KLC2: variants seen among roughly 807,000 people sequenced by gnomAD.
The protein encoded by KLC2 is KLC 2.
Under a neutral mutation model 75.1 loss-of-function variants are expected in KLC2, and 35 were observed. The ratio of observed to expected loss-of-function variants is 0.47; its 90% CI spans 0.36 to 0.62. The LOEUF is 0.62. KLC2 is among the 20% of genes least tolerant of loss of function. KLC2 has a pLI of 0.00. For missense variants in KLC2, 611 were observed against 833.2 expected, an observed-to-expected ratio of 0.73 and a Z score of 3.28; for synonymous variants, 314 against 336.7, an observed-to-expected ratio of 0.93 and a Z score of 0.74.
chr11:66,262,748 C>T lies in KLC2; in HGVS notation c.530-66C>T, dbSNP rs562733693. The T allele has an allele frequency of 5.8e-5, 70 of 1,207,392 alleles. No individual in the cohort carries two copies. The South Asian group carries it at 8.9e-4, about 15-fold the overall frequency. 74.8% of individuals were successfully genotyped at this position (1,207,392 alleles called of 1,614,324 possible). ...TGTGTCAAGTGGCTCAAAGGCACAG[C>T]TGGCATGTGCCATCCCAGTCCAGTG... On this transcript the variant is annotated intron_variant, in intron 4 of 15. Transcript: ENST00000394067.
At chr11:66,252,513 T>A (rs1415462802), upstream of KLC2, among the ~76,000 whole-genome samples, 3 of 128,058 alleles carry the variant, frequency 2.3e-5, no homozygotes, top group African/African-American at 8.0e-5. Context: ...TCCCCCCGCC[T>A]CGGCCTCCCA....
At position 66,266,642 on chromosome 11, in the gene KLC2, G is replaced by C. The variant is rs566480158; in HGVS notation, c.1785+152G>C. ...GGCTGGACAACGGGGAGACACGAGGGGAACCCAGCCTCTCCTGGGGGTGGA... is the reference window on the plus strand; with the variant it reads ...GGCTGGACAACGGGGAGACACGAGGCGAACCCAGCCTCTCCTGGGGGTGGA... On this transcript the variant is annotated intron_variant, in intron 15 of 15. Coordinates refer to ENST00000394067, the MANE Select transcript of KLC2 (RefSeq NM_001318734.2). 80 of 919,912 alleles carry C rather than the reference G, an allele frequency of 8.7e-5. No individual in the cohort carries two copies. The African/African-American group carries it at 1.2e-3, about 14-fold the overall frequency. 57.0% of individuals were successfully genotyped at this position (919,912 alleles called of 1,614,324 possible).
Position 66,267,625 on chromosome 11 carries a change from C to T in KLC2, c.*669C>T, listed in dbSNP as rs562497714. 5 of 597,708 alleles carry T rather than the reference C, an allele frequency of 8.4e-6. No individual in the cohort carries two copies. The highest frequency in any genetic ancestry group is 7.4e-5 in the African/African-American group (4 of 53,814). The allele number at this position is 597,708 out of a possible 1,614,324, so 37.0% of individuals were successfully genotyped here. On this transcript the variant is annotated 3_prime_UTR_variant, in exon 16 of 16. Coordinates refer to ENST00000394067, the MANE Select transcript of KLC2 (RefSeq NM_001318734.2). ...CCGTCCTCCCACCGCCGGGCCCTGC[C>T]CCGCATCCCGGCCTTATGCACTGCC...
chr11:66,256,597 G>A (rs2134782464), upstream of KLC2, among the ~76,000 whole-genome samples: 1 of 152,178 alleles, frequency 6.6e-6, no homozygotes, highest in Non-Finnish European at 1.5e-5. Flanking sequence ...AGAAAAAAAG[G>A]AGTTTAAGGT....
chr11:66,259,327 G>A (rs1415676487), intron 2 of KLC2, among the ~76,000 whole-genome samples: 1 of 152,232 alleles, frequency 6.6e-6, no homozygotes, highest in African/African-American at 2.4e-5. Flanking sequence ...TCGCAGCAGC[G>A]AGTCTTGTCT....
the KLC2 span, among the ~76,000 whole-genome samples, chr11:66,248,653 C>T: frequency 3.3e-5 from 5 of 152,056 alleles, no homozygotes; most frequent in African/African-American, 1.2e-4. Context: ...TATGCATGTC[C>T]TTAGTTTTTC....
upstream of KLC2, among the ~76,000 whole-genome samples, chr11:66,254,337 A>G (rs1855986066): frequency 6.6e-6 from 1 of 151,558 alleles, no homozygotes; most frequent in Non-Finnish European, 1.5e-5. Flanking sequence ...CTTTCAATCC[A>G]GGGCGCACAG....
Position 66,262,873 on chromosome 11 carries a change from C to T in KLC2, c.589C>T (p.Arg197Trp), listed in dbSNP as rs1391860839. 14 of 1,613,800 alleles carry T rather than the reference C, an allele frequency of 8.7e-6. No homozygotes were observed. The highest frequency in any genetic ancestry group is 1.1e-5 in the Non-Finnish European group (13 of 1,179,916). ...GQHGGYEIPA[R>W]LRTLHNLVIQ... ...GCATGGGGGCTACGAGATCCCGGCCCGGCTCCGCACCCTGCACAACCTGGT... is the reference window on the plus strand; with the variant it reads ...GCATGGGGGCTACGAGATCCCGGCCTGGCTCCGCACCCTGCACAACCTGGT... Residue 197 changes from arginine to tryptophan, a missense_variant, in exon 5 of 16, where the codon CGG becomes TGG. Transcript: ENST00000394067.
chr11:66,266,584 A>G, intron 15 of KLC2, 94 bp downstream of exon 15: 1 of 1,301,582 alleles, frequency 7.7e-7, no homozygotes, highest in African/African-American at 1.5e-5. Context: ...TTCATCCAGC[A>G]ACAGTTCCTG....
chr11:66,265,231 G>T lies in KLC2; in HGVS notation c.1330G>T (p.Asp444Tyr). 1.7e-6 allele frequency: 2 copies of T among 1,182,440 alleles called. No homozygotes were observed. Among genetic ancestry groups the T allele is most frequent in the South Asian group, 1.2e-5 (1 of 82,922 alleles). The allele number at this position is 1,182,440 out of a possible 1,614,324, so 73.2% of individuals were successfully genotyped here. The change falls in exon 11 of 16, where the codon GAC becomes TAC. Residue 444 changes from aspartate (D) to tyrosine (Y), a missense_variant. Asp to Tyr is a radical substitution (Grantham distance 160). Coordinates refer to ENST00000394067, the MANE Select transcript of KLC2 (RefSeq NM_001318734.2). ...CAGCTGGTACAAGGCCTGTAAAGTAGACAGGTGAGTGGGGCGGGGCTGGGC... is the reference window on the plus strand; with the variant it reads ...CAGCTGGTACAAGGCCTGTAAAGTATACAGGTGAGTGGGGCGGGGCTGGGC... ...YGSWYKACKV[D>Y]SPTVNTTLRS...
the KLC2 span, among the ~76,000 whole-genome samples, chr11:66,248,989 A>G: frequency 6.6e-6 from 1 of 152,160 alleles, no homozygotes; most frequent in African/African-American, 2.4e-5. Flanking sequence ...TGCCTCCCAA[A>G]GTGCTAGGAT....
the KLC2 span, among the ~76,000 whole-genome samples, chr11:66,248,250 C>T: frequency 2.6e-5 from 4 of 152,150 alleles, no homozygotes; most frequent in African/African-American, 9.7e-5. Context: ...GCCAGTTTCC[C>T]TTACTGTTAA....
In KLC2 at chr11:66,265,915, G is replaced by A. The variant is rs139714613; in HGVS notation, c.1505G>A (p.Arg502Gln). The A allele has an allele frequency of 3.4e-5, 54 of 1,583,938 alleles. No homozygotes were observed. Among genetic ancestry groups the A allele is most frequent in the Non-Finnish European group, 3.9e-5 (45 of 1,162,492 alleles). ...CTGCTGAAAGATGGCAGTGGCAGGC[G>A]GGGAGACCGCCGCAGCAGCCGAGAC... is the stretch of plus-strand genomic sequence containing the variant. ...VELLKDGSGR[R>Q]GDRRSSRDMA... Residue 502 changes from arginine (R) to glutamine (Q), a missense_variant, in exon 13 of 16, where the codon CGG becomes CAG. Coordinates refer to ENST00000394067, the MANE Select transcript of KLC2 (RefSeq NM_001318734.2).
Position 66,263,912 on chromosome 11 carries a change from C to T in KLC2, c.902C>T (p.Ala301Val). ...GGCAAGAGGGGCAAGTACAAGGAGG[C>T]TGAGCCATTGTGCAAGCGGGCACTG... Reference protein sequence around the residue: ...LYGKRGKYKEAEPLCKRALEI... With the variant: ...LYGKRGKYKEVEPLCKRALEI... Residue 301 changes from alanine (A) to valine (V), a missense_variant, in exon 7 of 16, where the codon GCT (alanine) becomes GTT (valine). Physicochemically the swap from Ala to Val is moderately conservative, Grantham distance 64. Transcript: ENST00000394067. The T allele has an allele frequency of 1.2e-6, 2 of 1,614,210 alleles. No homozygotes were observed. Among genetic ancestry groups the T allele is most frequent in the Non-Finnish European group, 1.7e-6 (2 of 1,180,020 alleles).
At chr11:66,250,542 G>A in the KLC2 span, among the ~76,000 whole-genome samples, 1 of 152,100 alleles carries the variant, frequency 6.6e-6, no homozygotes, top group African/African-American at 2.4e-5. Flanking sequence ...ATGAACCTAG[G>A]TTGGGTCCCA....
upstream of KLC2, among the ~76,000 whole-genome samples, chr11:66,252,465 A>G (rs4930349): frequency 0.68 from 86,862 of 127,110 alleles, 28,160 homozygotes; most frequent in South Asian, 0.82. Context: ...GGGTTTCACC[A>G]TGTTAGCCAG....
the KLC2 span, among the ~76,000 whole-genome samples, chr11:66,248,666 T>C: frequency 5.9e-5 from 9 of 152,186 alleles, no homozygotes; most frequent in Non-Finnish European, 1.3e-4. Flanking sequence ...AGTTTTTCCC[T>C]AATGTCCTTT....
At chr11:66,265,439 A>T (rs764755175) in intron 11 of KLC2, 4 of 670,906 alleles carry the variant, frequency 6.0e-6, no homozygotes, top group Non-Finnish European at 1.0e-5. Flanking sequence ...CCTGGTGACA[A>T]CATCCCATGA....
upstream of KLC2, among the ~76,000 whole-genome samples, chr11:66,255,216 G>A (rs1855994170): frequency 6.6e-6 from 1 of 152,214 alleles, no homozygotes; most frequent in African/African-American, 2.4e-5. Flanking sequence ...GACAGGGTCT[G>A]GCTTTGCCGC....
Sources: gnomAD v4.1 joint callset for allele counts (sites outside exome capture counted in the v4.1 genomes callset) on GRCh38, gnomAD v4.1.1 for gene constraint, MANE v1.5 for transcripts, NCBI Gene and HGNC (gene_info 2026-07-23, HGNC 2026-07-21) for gene names.